The following SYNE1 variants were observed in gnomAD, a reference collection of about 807,000 sequenced individuals.
SYNE1 encodes spectrin repeat containing nuclear envelope protein 1.
A neutral mutation model predicts 1,111.0 loss-of-function variants in SYNE1; 616 were observed. The observed-to-expected ratio is 0.55, with a 90% CI of 0.52 to 0.59. The LOEUF is 0.59. SYNE1 is among the 20% of genes least tolerant of loss of function. The pLI, the probability that SYNE1 is intolerant of heterozygous loss-of-function variation, is 0.00. For synonymous variants in SYNE1, 3,855 were observed against 3,825.8 expected (o/e 1.01, Z -0.28); for missense variants, 10,006 against 10,417.0 (o/e 0.96, Z 1.72).
chr6:152,506,233 T>C (rs1282105512), intron 8 of SYNE1, among the ~76,000 whole-genome samples: 1 of 152,156 alleles, frequency 6.6e-6, no homozygotes, highest in East Asian at 1.9e-4. Context: ...ATGTAACTTA[T>C]CAATTATAAA....
chr6:152,256,017 T>G (rs966678058), intron 102 of SYNE1, among the ~76,000 whole-genome samples: 1 of 152,106 alleles, frequency 6.6e-6, no homozygotes, highest in Non-Finnish European at 1.5e-5. Context: ...GAGAATTACT[T>G]GAACCCAGGA....
intron 101 of SYNE1, among the ~76,000 whole-genome samples, chr6:152,259,946 G>A (rs950933832): frequency 6.6e-6 from 1 of 152,168 alleles, no homozygotes; most frequent in African/African-American, 2.4e-5. Flanking sequence ...AATTTGAACA[G>A]TCCAGGTATT....
intron 64 of SYNE1, among the ~76,000 whole-genome samples, chr6:152,360,372 A>T (rs986515466): frequency 6.6e-6 from 1 of 151,976 alleles, no homozygotes; most frequent in African/African-American, 2.4e-5. Context: ...TTTTTATTCT[A>T]TCCGGAATGC....
At chr6:152,505,155 A>T (rs769669307) in intron 9 of SYNE1, 46 bp downstream of exon 9, 2 of 1,603,868 alleles carry the variant, frequency 1.2e-6, no homozygotes, top group South Asian at 2.2e-5. Context: ...AGACATAAAA[A>T]CCCTCCGTGT....
intron 98 of SYNE1, among the ~76,000 whole-genome samples, chr6:152,270,232 CT>C (rs1422502159): frequency 6.6e-6 from 1 of 152,178 alleles, no homozygotes; most frequent in African/African-American, 2.4e-5. Context: ...GATGAAAACT[CT>C]TTAAGAGTCT....
intron 8 of SYNE1, among the ~76,000 whole-genome samples, chr6:152,509,601 A>T (rs2099075073): frequency 6.6e-6 from 1 of 152,052 alleles, no homozygotes; most frequent in Non-Finnish European, 1.5e-5. Flanking sequence ...AAATGTATAC[A>T]CATGTAAATT....
chr6:152,399,714 C>T lies in SYNE1; in HGVS notation c.7139G>A (p.Arg2380His), dbSNP rs554035671. ...YHSAELESLG[R>H]AMTGLIKKHE... is the part of the protein sequence containing the mutation. ...TTTCTTTATCAGACCAGTCATTGCA[C>T]GGCCCAGGCTCTCCAACTCAGCTGA... Residue 2380 changes from arginine to histidine, a missense_variant, in exon 48 of 146, where the codon CGT becomes CAT. Coordinates refer to ENST00000367255, the MANE Select transcript of SYNE1 (RefSeq NM_182961.4). The T allele has an allele frequency of 1.5e-5, 25 of 1,614,088 alleles. No individual in the cohort carries two copies. The highest frequency in any genetic ancestry group is 5.0e-5 in the Admixed American group (3 of 60,014).
At chr6:152,219,289 G>T in intron 119 of SYNE1, 104 bp from the exon 120 acceptor site, 1 of 1,122,490 alleles carries the variant, frequency 8.9e-7, no homozygotes, top group Non-Finnish European at 1.3e-6. Context: ...CATTCCTACG[G>T]ATCATATTAT....
chr6:152,434,119 T>C, intron 33 of SYNE1, 174 bp from the exon 34 acceptor site: 1 of 617,148 alleles, frequency 1.6e-6, no homozygotes, highest in Admixed American at 3.0e-5. Context: ...GTTTATCAGG[T>C]TTTCCTATCT....
chr6:152,606,145 T>C (rs2099614278), intron 3 of SYNE1, among the ~76,000 whole-genome samples: 1 of 152,094 alleles, frequency 6.6e-6, no homozygotes, highest in South Asian at 2.1e-4. Flanking sequence ...CCAGTGGCCA[T>C]CTGTAGTGTG....
intron 127 of SYNE1, among the ~76,000 whole-genome samples, chr6:152,193,895 C>T (rs915813701): frequency 6.6e-6 from 1 of 151,710 alleles, no homozygotes; most frequent in Non-Finnish European, 1.5e-5. Flanking sequence ...TGCCTGTAGT[C>T]CCAGCTACTC....
rs2099419272 is a variant in SYNE1, at chr6:152,567,812, G to A, written c.68-27791C>T. The stretch of plus-strand genomic sequence containing the variant: ...GATATGAAAAGGAAAAGTAACAAGG[G>A]AAGGGAACACATTGCTTGTCCTATC... On this transcript the variant is annotated intron_variant, in intron 3 of 145. Coordinates refer to ENST00000367255, the MANE Select transcript of SYNE1 (RefSeq NM_182961.4). 2.6e-5 allele frequency among the ~76,000 whole-genome samples: 4 copies of A among 152,264 alleles called. No homozygotes were observed. The South Asian group carries it at 8.3e-4, about 32-fold the overall frequency.
chr6:152,326,392 G>C lies in SYNE1; in HGVS notation c.15197C>G (p.Thr5066Ser), dbSNP rs373690809. The stretch of plus-strand genomic sequence containing the variant: ...TTTCTGTTCTAGGTCTTCTTTGCCG[G>C]TTGGCTTGATGAGTGGGTCCAGGGT... ...VATLDPLIKP[T>S]GKEDLEQKVA... The change falls in exon 79 of 146, where the codon ACC becomes AGC. Residue 5066 changes from threonine (T) to serine (S), a missense_variant. Thr to Ser is a moderately conservative substitution (Grantham distance 58, BLOSUM62 1). Around this residue, in one of 7 missense-constraint regions of SYNE1, gnomAD observed 4,955 missense variants for 5,017.2 expected, o/e 0.99. Transcript: ENST00000367255. The C allele has an allele frequency of 2.5e-6, 4 of 1,614,062 alleles. No individual in the cohort carries two copies. The highest frequency in any genetic ancestry group is 3.4e-6 in the Non-Finnish European group (4 of 1,180,050).
chr6:152,178,635 G>C (rs1345669954), intron 129 of SYNE1, among the ~76,000 whole-genome samples: 2 of 152,104 alleles, frequency 1.3e-5, no homozygotes, highest in Non-Finnish European at 2.9e-5. Context: ...TTTCTTTTCA[G>C]AATAAATGCA....
At chr6:152,422,139 C>T (rs1563903643) in intron 39 of SYNE1, among the ~76,000 whole-genome samples, 1 of 152,244 alleles carries the variant, frequency 6.6e-6, no homozygotes, top group Non-Finnish European at 1.5e-5. Context: ...CTCGACCATT[C>T]ATCTGAACTG....
intron 3 of SYNE1, among the ~76,000 whole-genome samples, chr6:152,612,708 A>G (rs549372817): frequency 6.6e-6 from 1 of 152,286 alleles, no homozygotes; most frequent in Admixed American, 6.5e-5. Context: ...AAAGAATTTT[A>G]GACCAATATC....
chr6:152,401,388 A>C (rs2097814927), intron 46 of SYNE1, 47 bp from the exon 47 acceptor site: 1 of 1,566,042 alleles, frequency 6.4e-7, no homozygotes, highest in African/African-American at 1.3e-5. Context: ...GACCAGAAGA[A>C]TACTCATTCA....
Position 152,249,338 on chromosome 6 carries a change from C to A in SYNE1, c.19471-76G>T, listed in dbSNP as rs113352956. The A allele has an allele frequency of 9.8e-5, 86 of 876,108 alleles. No homozygotes were observed. In the African/African-American group the frequency reaches 1.1e-3, roughly 12 times the overall value. 54.3% of individuals were successfully genotyped at this position (876,108 alleles called of 1,614,324 possible). A position where few individuals can be genotyped will look rare whatever the true frequency, so the allele number is the denominator to read the frequency against. On this transcript the variant is annotated intron_variant, in intron 104 of 145. Coordinates refer to ENST00000367255, the MANE Select transcript of SYNE1 (RefSeq NM_182961.4). ...AATACTTGTAAATATAACACAGATT[C>A]TAAGAAATAACATAGAGGCACAGAA...
chr6:152,274,750 C>T (rs950611996), intron 98 of SYNE1, among the ~76,000 whole-genome samples: 15 of 152,108 alleles, frequency 9.9e-5, no homozygotes, highest in African/African-American at 3.4e-4. Context: ...GTTCCCACCA[C>T]CACACCTGGC....
Sources: gnomAD v4.1 joint callset for allele counts (sites outside exome capture counted in the v4.1 genomes callset) on GRCh38, gnomAD v4.1.1 for gene constraint, gnomAD v4.1.1 regional missense constraint, MANE v1.5 for transcripts, NCBI Gene and HGNC (gene_info 2026-07-23, HGNC 2026-07-21) for gene names.